The following VPS54 variants were observed in gnomAD, a reference collection of about 807,000 sequenced individuals.
The protein encoded by VPS54 is vacuolar protein sorting-associated protein 54.
A neutral mutation model predicts 121.5 loss-of-function variants in VPS54; 45 were observed. The observed-to-expected ratio is 0.37, with a 90% CI of 0.29 to 0.47. The LOEUF (loss-of-function observed/expected upper bound fraction) is 0.47. Among genes scored for constraint, VPS54 ranks in the 20% least tolerant of loss-of-function variants. The pLI, the probability that VPS54 is intolerant of heterozygous loss-of-function variation, is 0.99. For synonymous variants in VPS54, 371 were observed against 385.8 expected (o/e 0.96, Z 0.45); for missense variants, 1,090 against 1,131.4 (o/e 0.96, Z 0.52).
rs901648731 is a variant in VPS54 at position 64,015,122 on chromosome 2, G to GA, written c.-21+3815dup. Among the ~76,000 whole-genome samples, 232 of 142,292 alleles carry GA rather than the reference G, an allele frequency of 1.6e-3. 3 individuals carry two copies. The highest frequency in any genetic ancestry group is 3.2e-3 in the Admixed American group (46 of 14,252). The allele number at this position is 142,292 out of a possible 152,430, so 93.3% of individuals were successfully genotyped here. On this transcript the variant is annotated intron_variant, in intron 1 of 22. Transcript: ENST00000272322. ...CTTTCTTGGTAGTTGAAGCTGCCAG[G>GA]AAAAAAAAAAATCACTTCTGGATAA...
intron 11 of VPS54, among the ~76,000 whole-genome samples, chr2:63,938,403 G>A (rs547979576): frequency 4.7e-4 from 72 of 152,202 alleles, no homozygotes; most frequent in Admixed American, 5.9e-4. Context: ...GATGAAGGCT[G>A]GTCACCTGAA....
intron 3 of VPS54, among the ~76,000 whole-genome samples, chr2:63,978,295 T>C (rs1676641135): frequency 6.6e-6 from 1 of 152,218 alleles, no homozygotes; most frequent in Non-Finnish European, 1.5e-5. Context: ...ACCAGCGGTA[T>C]ATGAGAGTTC....
chr2:63,949,193 A>T (rs1355563753), intron 7 of VPS54, 30 bp from the exon 8 acceptor site: 13 of 1,585,208 alleles, frequency 8.2e-6, no homozygotes, highest in Non-Finnish European at 1.0e-5. Context: ...TGTTATATTT[A>T]TATTCACTAA....
intron 1 of VPS54, among the ~76,000 whole-genome samples, chr2:64,000,123 C>G (rs1005397141): frequency 2.0e-5 from 3 of 152,080 alleles, no homozygotes; most frequent in African/African-American, 7.2e-5. Context: ...GCCTCCCAAA[C>G]TGATGGGATT....
In VPS54 at chr2:63,940,155, CA is replaced by C. The variant is rs545297457; in HGVS notation, c.1398+2309del. Among the ~76,000 whole-genome samples the C allele has an allele frequency of 2.2e-3, 340 of 152,264 alleles. 2 individuals carry two copies. The highest frequency in any genetic ancestry group is 8.0e-3 in the African/African-American group (331 of 41,554). On this transcript the variant is annotated intron_variant, in intron 11 of 22. Coordinates refer to ENST00000272322, the MANE Select transcript of VPS54 (RefSeq NM_016516.3). ...TAATATTCCATGGTAAAGAATGTGT[CA>C]AGCATAATTTATTTTACCATTTCTC...
At chr2:63,912,280 C>T (rs1158009558) in intron 20 of VPS54, 65 bp downstream of exon 20, 4 of 1,257,854 alleles carry the variant, frequency 3.2e-6, no homozygotes, top group Non-Finnish European at 4.5e-6. Flanking sequence ...TTATAAAGTA[C>T]TCCTTATAAA....
At chr2:63,908,741 C>G (rs932099066) in intron 20 of VPS54, among the ~76,000 whole-genome samples, 4 of 152,174 alleles carry the variant, frequency 2.6e-5, no homozygotes, top group Admixed American at 6.5e-5. Flanking sequence ...TTGCTATAGT[C>G]AGATACATGA....
intron 22 of VPS54, among the ~76,000 whole-genome samples, chr2:63,896,033 T>C (rs1304703845): frequency 6.6e-6 from 1 of 152,228 alleles, no homozygotes; most frequent in Non-Finnish European, 1.5e-5. Context: ...GTACCCAGTA[T>C]ACATCTCTAC....
Position 64,007,892 on chromosome 2 carries a change from G to A in VPS54, c.-21+11046C>T, listed in dbSNP as rs529876631. Among the ~76,000 whole-genome samples the A allele has an allele frequency of 1.3e-4, 20 of 152,210 alleles. No individual in the cohort carries two copies. The South Asian group carries it at 3.9e-3, about 30-fold the overall frequency. Reference sequence around the variant, plus strand: ...TCAAGGAGATTACTAACTTTAGAAAGGATACTGGATTAAGAACAGTTTCAG... The same window carrying A: ...TCAAGGAGATTACTAACTTTAGAAAAGATACTGGATTAAGAACAGTTTCAG... On this transcript the variant is annotated intron_variant, in intron 1 of 22. Coordinates refer to ENST00000272322, the MANE Select transcript of VPS54 (RefSeq NM_016516.3).
intron 6 of VPS54, among the ~76,000 whole-genome samples, chr2:63,963,646 T>C (rs1035474043): frequency 6.6e-6 from 1 of 152,126 alleles, no homozygotes; most frequent in Non-Finnish European, 1.5e-5. Flanking sequence ...AATATCTAAA[T>C]AGGTTACAAA....
At chr2:63,931,808 A>G (rs1327356973) in intron 12 of VPS54, among the ~76,000 whole-genome samples, 1 of 152,238 alleles carries the variant, frequency 6.6e-6, no homozygotes, top group African/African-American at 2.4e-5. Flanking sequence ...CAAATTTACA[A>G]GAAAAAAGCA....
rs1237821818 is a variant in VPS54 at position 63,941,433 on chromosome 2, C to G, written c.1398+1032G>C. 2.6e-5 allele frequency among the ~76,000 whole-genome samples: 4 copies of G among 152,046 alleles called. No homozygotes were observed. In the South Asian group the frequency reaches 8.3e-4, roughly 32 times the overall value. On this transcript the variant is annotated intron_variant, in intron 11 of 22. Coordinates refer to ENST00000272322, the MANE Select transcript of VPS54 (RefSeq NM_016516.3). The stretch of plus-strand genomic sequence containing the variant: ...GTAGAGATGAGGTCTCATTATGTTG[C>G]CCAAGCTGGTCTCAAACTCCTGAGC...
At chr2:63,899,728 G>A (rs1490196604) in intron 20 of VPS54, 147 bp from the exon 21 acceptor site, 4 of 624,124 alleles carry the variant, frequency 6.4e-6, no homozygotes, top group South Asian at 2.3e-5. Flanking sequence ...TGTGATCTGC[G>A]CTACTCATAC....
intron 1 of VPS54, among the ~76,000 whole-genome samples, chr2:64,012,161 T>A (rs1395805200): frequency 6.6e-6 from 1 of 152,100 alleles, no homozygotes; most frequent in Admixed American, 6.6e-5. Flanking sequence ...TTAGCCTACA[T>A]CCCCATTACT....
chr2:63,913,785 T>C, intron 17 of VPS54: 1 of 943,576 alleles, frequency 1.1e-6, no homozygotes, highest in South Asian at 4.4e-5. Flanking sequence ...TCATTTTATA[T>C]CAATGGTTCT....
At chr2:63,910,433 G>A (rs1040760522) in intron 20 of VPS54, among the ~76,000 whole-genome samples, 2 of 152,156 alleles carry the variant, frequency 1.3e-5, no homozygotes, top group Admixed American at 6.5e-5. Context: ...TCTGTGAACC[G>A]TGTAGAAGCC....
intron 18 of VPS54, 27 bp from the exon 19 acceptor site, chr2:63,912,688 A>G (rs776119240): frequency 6.5e-7 from 1 of 1,545,948 alleles, no homozygotes; most frequent in Non-Finnish European, 8.6e-7. Flanking sequence ...TAGATATATA[A>G]TGGAGAAATA....
chr2:63,970,974 A>C, intron 4 of VPS54, among the ~76,000 whole-genome samples: 1 of 152,136 alleles, frequency 6.6e-6, no homozygotes, highest in Non-Finnish European at 1.5e-5. Context: ...GTTGCCAAAA[A>C]GGCATGTTCT....
At chr2:63,910,741 GA>G (rs1015281129) in intron 20 of VPS54, among the ~76,000 whole-genome samples, 16 of 151,062 alleles carry the variant, frequency 1.1e-4, no homozygotes, top group African/African-American at 3.9e-4. Flanking sequence ...TTTCTTTACA[GA>G]AAAAAAAAGT....
Sources: gnomAD v4.1 joint callset for allele counts (sites outside exome capture counted in the v4.1 genomes callset) on GRCh38, gnomAD v4.1.1 for gene constraint, MANE v1.5 for transcripts, NCBI Gene and HGNC (gene_info 2026-07-23, HGNC 2026-07-21) for gene names.